PLXDC2: variants seen among roughly 807,000 people sequenced by gnomAD.
PLXDC2 encodes plexin domain containing 2, also known as plexin domain-containing protein 2.
In PLXDC2, 40 loss-of-function variants were observed where a neutral mutation model predicts 68.9. The observed-to-expected ratio is 0.58, with a 90% CI of 0.45 to 0.76. The LOEUF (loss-of-function observed/expected upper bound fraction) is 0.76, where lower values mean the gene tolerates loss of function less well. PLXDC2 is among the 30% of genes least tolerant of loss of function. PLXDC2 has a pLI of 0.00. For synonymous variants in PLXDC2, 243 were observed against 234.2 expected, an observed-to-expected ratio of 1.04 and a Z score of -0.34; for missense variants, 644 against 661.9, an observed-to-expected ratio of 0.97 and a Z score of 0.30.
At position 19,817,156 on chromosome 10, in the gene PLXDC2, A is replaced by G. The variant is rs756344797; in HGVS notation, c.77A>G (p.Gln26Arg). The change falls in exon 1 of 14, where the codon CAG (glutamine) becomes CGG (arginine). Residue 26 changes from glutamine to arginine, a missense_variant. Physicochemically the swap from Gln to Arg is conservative, Grantham distance 43. Around this residue, in one of 3 missense-constraint regions of PLXDC2, gnomAD observed 201 missense variants for 166.9 expected, o/e 1.20. Coordinates refer to ENST00000377252, the MANE Select transcript of PLXDC2 (RefSeq NM_032812.9). ...LLCHFFTDQF[Q>R]FADGKPGDQI... The stretch of plus-strand genomic sequence containing the variant: ...TGCCACTTCTTCACGGACCAGTTTC[A>G]GTTCGCCGATGGGAAACCCGGAGAC... The G allele has an allele frequency of 1.8e-5, 29 of 1,575,688 alleles. No individual in the cohort carries two copies. Among genetic ancestry groups the G allele is most frequent in the Admixed American group, 3.5e-5 (2 of 56,456 alleles).
At chr10:20,262,951 G>A (rs1168992946) in intron 13 of PLXDC2, among the ~76,000 whole-genome samples, 1 of 152,206 alleles carries the variant, frequency 6.6e-6, no homozygotes, top group African/African-American at 2.4e-5. Context: ...AGGGACATCT[G>A]AAAGCTCTCT....
At chr10:19,973,307 T>C (rs1334518941) in intron 1 of PLXDC2, among the ~76,000 whole-genome samples, 4 of 135,466 alleles carry the variant, frequency 3.0e-5, no homozygotes, top group Non-Finnish European at 4.9e-5. Context: ...TATATATATA[T>C]ACTCACATAT....
At chr10:19,948,390 C>CTTTT in intron 1 of PLXDC2, among the ~76,000 whole-genome samples, 1 of 144,942 alleles carries the variant, frequency 6.9e-6, no homozygotes, top group Non-Finnish European at 1.5e-5. Flanking sequence ...TTCTTTCTTT[C>CTTTT]TTTTTTTTTT....
At chr10:20,003,621 G>A (rs1834978448) in intron 2 of PLXDC2, among the ~76,000 whole-genome samples, 4 of 151,972 alleles carry the variant, frequency 2.6e-5, no homozygotes, top group African/African-American at 9.7e-5. Context: ...TAGTAAGGAC[G>A]GGGTTTCACC....
At chr10:19,921,862 A>AT (rs531599218) in intron 1 of PLXDC2, among the ~76,000 whole-genome samples, 6 of 151,650 alleles carry the variant, frequency 4.0e-5, no homozygotes, top group Non-Finnish European at 2.9e-5. Context: ...ATTTTTTTTA[A>AT]TTTTTTTATT....
At chr10:20,182,367 ATTTAGC>A in intron 9 of PLXDC2, among the ~76,000 whole-genome samples, 1 of 152,102 alleles carries the variant, frequency 6.6e-6, no homozygotes, top group East Asian at 1.9e-4. Flanking sequence ...ACAATTCTGA[ATTTAGC>A]TTTCTTTCAC....
chr10:20,175,361 G>T (rs935697133), intron 7 of PLXDC2, among the ~76,000 whole-genome samples: 64 of 152,266 alleles, frequency 4.2e-4, no homozygotes, highest in African/African-American at 1.5e-3. Context: ...ACTGTGGTTT[G>T]AGCCCAGACA....
At chr10:19,946,981 C>T (rs112856772) in intron 1 of PLXDC2, among the ~76,000 whole-genome samples, 97 of 152,124 alleles carry the variant, frequency 6.4e-4, no homozygotes, top group Middle Eastern at 3.4e-3. Context: ...CTATACTTGT[C>T]GGGTCCATGG....
chr10:19,953,291 G>T (rs1235863117), intron 1 of PLXDC2, among the ~76,000 whole-genome samples: 1 of 152,228 alleles, frequency 6.6e-6, no homozygotes, highest in South Asian at 2.1e-4. Flanking sequence ...CTAGGTGGTT[G>T]TGATTCAGAA....
chr10:19,849,868 G>A (rs1261449453), intron 1 of PLXDC2, among the ~76,000 whole-genome samples: 1 of 152,138 alleles, frequency 6.6e-6, no homozygotes, highest in Non-Finnish European at 1.5e-5. Flanking sequence ...AGGAGAAAGT[G>A]TAGGAGAAAA....
In PLXDC2 at chr10:20,044,233, CTTT is replaced by C. The variant is rs1407459165; in HGVS notation, c.325-2635_325-2633del. The stretch of plus-strand genomic sequence containing the variant: ...TCTGTCTTTCTTTCTTTCTTTCTTT[CTTT>C]CTTTCTTTCTTTCTTTCTTTCTTTC... On this transcript the variant is annotated intron_variant, in intron 2 of 13. Coordinates refer to ENST00000377252, the MANE Select transcript of PLXDC2 (RefSeq NM_032812.9). Among the ~76,000 whole-genome samples, 287 of 83,580 alleles carry C rather than the reference CTTT, an allele frequency of 3.4e-3. 8 individuals carry two copies. The highest frequency in any genetic ancestry group is 0.016 in the African/African-American group (274 of 17,046). 54.8% of individuals were successfully genotyped at this position (83,580 alleles called of 152,430 possible). A position where few individuals can be genotyped will look rare whatever the true frequency, so the allele number is the denominator to read the frequency against.
intron 3 of PLXDC2, among the ~76,000 whole-genome samples, chr10:20,061,703 G>A (rs16919780): frequency 0.15 from 22,243 of 152,080 alleles, 1,916 homozygotes; most frequent in South Asian, 0.3. Context: ...CATAATGTCC[G>A]ATCTATTAAA....
At chr10:19,923,489 G>A (rs912212753) in intron 1 of PLXDC2, among the ~76,000 whole-genome samples, 1 of 152,014 alleles carries the variant, frequency 6.6e-6, no homozygotes, top group African/African-American at 2.4e-5. Context: ...TGAGGGCTTG[G>A]CATTGTTATA....
chr10:20,259,598 G>C (rs1015397830), intron 13 of PLXDC2, among the ~76,000 whole-genome samples: 1 of 152,160 alleles, frequency 6.6e-6, no homozygotes, highest in African/African-American at 2.4e-5. Context: ...GAATGTTGTT[G>C]GGTTTTATGT....
At chr10:20,265,483 A>G (rs748516510) in intron 13 of PLXDC2, among the ~76,000 whole-genome samples, 14 of 152,158 alleles carry the variant, frequency 9.2e-5, no homozygotes, top group Non-Finnish European at 1.8e-4. Flanking sequence ...TATGTGTGTT[A>G]CTCCATCTAT....
At chr10:19,878,511 T>G (rs1328345005) in intron 1 of PLXDC2, among the ~76,000 whole-genome samples, 1 of 152,220 alleles carries the variant, frequency 6.6e-6, no homozygotes, top group Non-Finnish European at 1.5e-5. Flanking sequence ...AATAATTTTT[T>G]TCTGTGAATG....
intron 9 of PLXDC2, among the ~76,000 whole-genome samples, chr10:20,187,014 G>A (rs760259753): frequency 6.6e-6 from 1 of 151,738 alleles, no homozygotes; most frequent in Non-Finnish European, 1.5e-5. Context: ...CAGCTGCCGG[G>A]TACCTGAGGT....
At chr10:20,146,048 G>C (rs952072044) in intron 5 of PLXDC2, among the ~76,000 whole-genome samples, 1 of 152,208 alleles carries the variant, frequency 6.6e-6, no homozygotes, top group African/African-American at 2.4e-5. Context: ...AAGGAAACGG[G>C]TTCATGCAGA....
chr10:20,278,480 A>C (rs981358387), intron 13 of PLXDC2, among the ~76,000 whole-genome samples: 6 of 152,192 alleles, frequency 3.9e-5, no homozygotes, highest in African/African-American at 1.4e-4. Flanking sequence ...CTTTAGTTTT[A>C]AATTCTTCTT....
Sources: gnomAD v4.1 joint callset for allele counts (sites outside exome capture counted in the v4.1 genomes callset) on GRCh38, gnomAD v4.1.1 for gene constraint, gnomAD v4.1.1 regional missense constraint, MANE v1.5 for transcripts, NCBI Gene and HGNC (gene_info 2026-07-23, HGNC 2026-07-21) for gene names.